Variants in ERV3-1 observed in about 807,000 individuals in gnomAD.
ERV3-1 encodes endogenous retrovirus group 3 member 1 Env polyprotein.
ERV3-1 carries 36 observed loss-of-function variants against 24.6 expected under a neutral mutation model. That is an observed-to-expected ratio of 1.47 (90% CI 1.12 to 1.94). ERV3-1 has a LOEUF of 1.94. Ranked by LOEUF, ERV3-1 falls within the 30% of genes most tolerant of loss-of-function variation. The probability of loss-of-function intolerance (pLI) is 0.00; values close to 1 mark genes in which losing one functional copy is unlikely to be tolerated. For missense variants in ERV3-1, 578 were observed against 330.9 expected, an observed-to-expected ratio of 1.75 and a Z score of -5.79; for synonymous variants, 211 against 122.6, an observed-to-expected ratio of 1.72 and a Z score of -4.76.
intron 1 of ERV3-1, chr7:65,005,077 C>A: frequency 6.3e-6 from 1 of 159,124 alleles, no homozygotes; most frequent in East Asian, 1.7e-4. Flanking sequence ...GAAGAGTACC[C>A]CAGGAGACTC....
rs1786249435 is a variant in ERV3-1, at chr7:64,990,977, C to T, written c.*235G>A. The T allele has an allele frequency of 7.8e-6, 3 of 386,150 alleles. No individual in the cohort carries two copies. Among genetic ancestry groups the T allele is most frequent in the South Asian group, 8.5e-5 (1 of 11,828 alleles). The allele number at this position is 386,150 out of a possible 1,614,324, so 23.9% of individuals were successfully genotyped here. A position where few individuals can be genotyped will look rare whatever the true frequency, so the allele number is the denominator to read the frequency against. ...GAGAAAGCATCACTATCTTCATTTA[C>T]TTCAAGAGGAAGTAGCTCTTTTCTT... On this transcript the variant is annotated 3_prime_UTR_variant, in exon 2 of 2. Coordinates refer to ENST00000394323, the MANE Select transcript of ERV3-1 (RefSeq NM_001007253.4).
chr7:65,003,183 G>A (rs994815538), intron 1 of ERV3-1, among the ~76,000 whole-genome samples: 17 of 152,156 alleles, frequency 1.1e-4, no homozygotes, highest in Admixed American at 5.2e-4. Flanking sequence ...AGAATGAACT[G>A]AGCCTTTAAT....
chr7:65,006,356 G>C (rs1241527365), intron 1 of ERV3-1, 185 bp downstream of exon 1: 1 of 988,964 alleles, frequency 1.0e-6, no homozygotes, highest in South Asian at 1.5e-5. Context: ...CCCGGGGTCC[G>C]AGCTGTCAGC....
chr7:65,004,743 C>G (rs1021066718), intron 1 of ERV3-1: 6 of 152,204 alleles, frequency 3.9e-5, no homozygotes, highest in Admixed American at 2.6e-4. Context: ...TCTCCCACCC[C>G]CATCCTGCTC....
intron 1 of ERV3-1, among the ~76,000 whole-genome samples, chr7:64,995,499 G>T (rs1329347402): frequency 2.6e-5 from 4 of 152,136 alleles, no homozygotes; most frequent in African/African-American, 9.7e-5. Flanking sequence ...TCAGAGGAGG[G>T]GTTCCTTTTC....
At chr7:64,993,937 T>C (rs1362743552) in intron 1 of ERV3-1, among the ~76,000 whole-genome samples, 1 of 152,244 alleles carries the variant, frequency 6.6e-6, no homozygotes, top group African/African-American at 2.4e-5. Context: ...AATGCCAGCC[T>C]GTTGTCTGAC....
chr7:64,998,155 G>A (rs1786444876), intron 1 of ERV3-1, among the ~76,000 whole-genome samples: 1 of 152,064 alleles, frequency 6.6e-6, no homozygotes, highest in South Asian at 2.1e-4. Context: ...AGGGAGGAGG[G>A]GTTTCTATCT....
rs551490078 is a variant in ERV3-1 at position 65,006,638 on chromosome 7, G to A, written c.-486C>T. On this transcript the variant is annotated 5_prime_UTR_variant, in exon 1 of 2. Coordinates refer to ENST00000394323, the MANE Select transcript of ERV3-1 (RefSeq NM_001007253.4). ...AGAAGCTGGGCCTCTAGGAGCAGAAGACACAGAGCAGTGAAGACTACACCA... is the reference window on the plus strand; with the variant it reads ...AGAAGCTGGGCCTCTAGGAGCAGAAAACACAGAGCAGTGAAGACTACACCA... 4 of 1,536,652 alleles carry A rather than the reference G, an allele frequency of 2.6e-6. No homozygotes were observed. The African/African-American group carries it at 5.4e-5, about 21-fold the overall frequency.
At chr7:64,996,532 G>A (rs1166049171) in intron 1 of ERV3-1, among the ~76,000 whole-genome samples, 1 of 152,226 alleles carries the variant, frequency 6.6e-6, no homozygotes, top group Admixed American at 6.5e-5. Context: ...GCGGGATGGT[G>A]AGGGTTAACA....
At chr7:65,001,269 T>C (rs1193003627) in intron 1 of ERV3-1, among the ~76,000 whole-genome samples, 1 of 152,222 alleles carries the variant, frequency 6.6e-6, no homozygotes, top group East Asian at 1.9e-4. Context: ...GGTGGGATTG[T>C]CCTCTGATTT....
intron 1 of ERV3-1, among the ~76,000 whole-genome samples, chr7:64,995,870 G>T (rs1220124261): frequency 1.3e-5 from 2 of 152,194 alleles, no homozygotes; most frequent in Non-Finnish European, 2.9e-5. Flanking sequence ...CATTTGGTGG[G>T]GTGTATGCCT....
At chr7:65,006,386 T>C in intron 1 of ERV3-1, 155 bp downstream of exon 1, 1 of 1,273,054 alleles carries the variant, frequency 7.9e-7, no homozygotes, top group Non-Finnish European at 1.1e-6. Flanking sequence ...ATCCTATGGC[T>C]GAAGGGGACT....
intron 1 of ERV3-1, among the ~76,000 whole-genome samples, chr7:64,995,821 A>G (rs1786395804): frequency 6.6e-6 from 1 of 152,316 alleles, no homozygotes; most frequent in East Asian, 1.9e-4. Flanking sequence ...GGGGCTGCCA[A>G]AAGAAGGTTG....
intron 1 of ERV3-1, among the ~76,000 whole-genome samples, chr7:64,997,893 A>C (rs571108969): frequency 6.6e-6 from 1 of 152,248 alleles, no homozygotes; most frequent in South Asian, 2.1e-4. Context: ...GGTAAATAAA[A>C]GTCGGTTGCC....
In ERV3-1 at chr7:64,991,245, T is replaced by G. The variant is rs1786257204; in HGVS notation, c.1782A>C (p.Leu594Phe). Residue 594 changes from leucine to phenylalanine, a missense_variant, in exon 2 of 2, where the codon TTA becomes TTC. Physicochemically the swap from Leu to Phe is conservative, Grantham distance 22 (BLOSUM62 0). Transcript: ENST00000394323. ...IKEITAKIQK[L>F]AHIPVQTWKG ...TCCAAGTCTGAACTGGGATGTGAGC[T>G]AACTTTTGGATTTTAGCAGTTATTT... 1.3e-6 allele frequency: 1 copy of G among 752,710 alleles called. No individual in the cohort carries two copies. The highest frequency in any genetic ancestry group is 2.4e-6 in the Non-Finnish European group (1 of 410,942). 46.6% of individuals were successfully genotyped at this position (752,710 alleles called of 1,614,324 possible).
intron 1 of ERV3-1, among the ~76,000 whole-genome samples, chr7:64,999,627 T>G (rs1475931568): frequency 1.3e-5 from 2 of 152,244 alleles, no homozygotes; most frequent in Non-Finnish European, 2.9e-5. Context: ...GCATGTCTTG[T>G]GACCTTGCCG....
At position 64,997,342 on chromosome 7, in the gene ERV3-1, T is replaced by A. The variant is rs192589485; in HGVS notation, c.-388-3928A>T. ...TAGCTTTTGCAGCTTTCGCCTGATG[T>A]CTCCCTGGGCCTGTCCTACAAACTC... is the stretch of plus-strand genomic sequence containing the variant. On this transcript the variant is annotated intron_variant, in intron 1 of 1. Transcript: ENST00000394323. 2.0e-5 allele frequency among the ~76,000 whole-genome samples: 3 copies of A among 152,304 alleles called. No homozygotes were observed. In the East Asian group the frequency reaches 5.8e-4, roughly 29 times the overall value.
At chr7:64,993,450 T>G (rs1032815367) in intron 1 of ERV3-1, 36 bp from the exon 2 acceptor site, 5 of 167,928 alleles carry the variant, frequency 3.0e-5, no homozygotes, top group African/African-American at 1.2e-4. Context: ...GATTACAGTA[T>G]GGAGCCCATC....
At chr7:65,006,275 A>G in intron 1 of ERV3-1, 1 of 547,684 alleles carries the variant, frequency 1.8e-6, no homozygotes, top group Non-Finnish European at 3.3e-6. Context: ...GAGCTGCGGC[A>G]GTGGGGGCAG....
Sources: allele counts gnomAD v4.1 joint callset (sites outside exome capture counted in the v4.1 genomes callset), GRCh38; gene constraint gnomAD v4.1.1; transcripts MANE v1.5; gene names NCBI Gene and HGNC (gene_info 2026-07-23, HGNC 2026-07-21).